The following SPG7 variants were observed in gnomAD, a reference collection of about 807,000 sequenced individuals.
SPG7 encodes mitochondrial inner membrane m-AAA protease component paraplegin.
In SPG7, 103 loss-of-function variants were observed where a neutral mutation model predicts 81.9. That is an observed-to-expected ratio of 1.26 (90% CI 1.07 to 1.48). The LOEUF is 1.48. Ranked by LOEUF, SPG7 falls within the 40% of genes most tolerant of loss-of-function variation. The pLI is 0.00. For missense variants in SPG7, 1,241 were observed against 1,087.3 expected (o/e 1.14, Z -1.99); for synonymous variants, 534 against 444.2 (o/e 1.20, Z -2.54).
At chr16:89,545,629 C>T (rs118077954) in intron 10 of SPG7, 13 of 245,932 alleles carry the variant, frequency 5.3e-5, no homozygotes, top group Non-Finnish European at 8.8e-5. Context: ...CACTGTTTCT[C>T]CAGGGGATGG....
intron 15 of SPG7, 74 bp from the exon 16 acceptor site, chr16:89,554,412 C>T (rs781649030): frequency 4.4e-4 from 441 of 1,010,008 alleles, no homozygotes; most frequent in Non-Finnish European, 6.4e-4. Context: ...CCCAGTCTGC[C>T]ATTTCTTTTC....
At position 89,532,545 on chromosome 16, in the gene SPG7, C is replaced by T. The variant is rs771605038; in HGVS notation, c.1233C>T (p.Asp411=). ...APCIVYIDEI[D]AVGKKRSTTM... ...GCATCGTCTACATCGATGAGATCGA[C>T]GCGGTGGGCAAGAAGCGCTCCACCA... Residue 411 remains aspartate (D), a synonymous_variant, in exon 9 of 17, where the codon GAC becomes GAT. Transcript: ENST00000645818. 32 of 1,613,770 alleles carry T rather than the reference C, an allele frequency of 2.0e-5. No homozygotes were observed. The Middle Eastern group carries it at 4.9e-4, about 25-fold the overall frequency.
intron 3 of SPG7, among the ~76,000 whole-genome samples, chr16:89,514,905 C>T (rs1054562710): frequency 2.0e-5 from 3 of 150,162 alleles, no homozygotes; most frequent in Admixed American, 6.6e-5. Flanking sequence ...GCTGAGATTA[C>T]AGGTGTGAAC....
At chr16:89,556,525 A>T (rs2058688715) in intron 16 of SPG7, 1 of 337,738 alleles carries the variant, frequency 3.0e-6, no homozygotes, top group Non-Finnish European at 5.5e-6. Context: ...ACTTCGCCTC[A>T]GATTCCTTCT....
chr16:89,532,503 C>G lies in SPG7; in HGVS notation c.1191C>G (p.Ala397=), dbSNP rs1597635045. The change falls in exon 9 of 17, where the codon GCC becomes GCG. Residue 397 remains alanine (A), a synonymous_variant. Coordinates refer to ENST00000645818, the MANE Select transcript of SPG7 (RefSeq NM_003119.4). Reference sequence around the variant, plus strand: ...GTGTGCGGAGCCTCTTTAAGGAAGCCCGAGCCCGGGCCCCCTGCATCGTCT... The same window carrying G: ...GTGTGCGGAGCCTCTTTAAGGAAGCGCGAGCCCGGGCCCCCTGCATCGTCT... The part of the protein sequence containing the change: ...AARVRSLFKE[A]RARAPCIVYI... The G allele has an allele frequency of 1.2e-6, 2 of 1,613,520 alleles. No homozygotes were observed. The highest frequency in any genetic ancestry group is 1.7e-6 in the Non-Finnish European group (2 of 1,180,038).
chr16:89,542,691 C>T (rs1486816263), intron 9 of SPG7, among the ~76,000 whole-genome samples: 2 of 152,146 alleles, frequency 1.3e-5, no homozygotes, highest in East Asian at 3.9e-4. Context: ...CCTGGAGAAG[C>T]TGGTCAGGCC....
Position 89,530,797 on chromosome 16 carries a change from G to A in SPG7, c.976G>A (p.Asp326Asn). 6.2e-7 allele frequency: 1 copy of A among 1,614,150 alleles called. No homozygotes were observed. The highest frequency in any genetic ancestry group is 2.2e-5 in the East Asian group (1 of 44,884). The change falls in exon 7 of 17, where the codon GAT (aspartate) becomes AAT (asparagine). Residue 326 changes from aspartate to asparagine, a missense_variant. Physicochemically the swap from Asp to Asn is conservative, Grantham distance 23. Transcript: ENST00000645818. ...CAAACTGGAAGTCCGCGAGTTTGTG[G>A]ATTATCTGAAGGTGAAAGCAGCGTG... ...EAKLEVREFV[D>N]YLKSPERFLQ...
intron 3 of SPG7, chr16:89,522,339 A>G (rs548746933): frequency 6.6e-6 from 1 of 152,414 alleles, no homozygotes; most frequent in South Asian, 2.1e-4. Context: ...TGCCCAGGCC[A>G]GGCTTTGATC....
intron 5 of SPG7, chr16:89,528,603 CTTTTTTTTTTT>C (rs199905330): frequency 1.8e-5 from 2 of 113,556 alleles, no homozygotes; most frequent in Non-Finnish European, 3.7e-5. Context: ...CTGGGATTTG[CTTTTTTTTTTT>C]TTTTTTTTTG....
intron 11 of SPG7, chr16:89,547,369 C>A: frequency 5.6e-6 from 1 of 178,602 alleles, no homozygotes; most frequent in South Asian, 1.2e-4. Flanking sequence ...ACTAACTGCC[C>A]TTGGGAGGAG....
chr16:89,529,622 G>T (rs778305130), intron 6 of SPG7, 43 bp downstream of exon 6: 1 of 1,410,652 alleles, frequency 7.1e-7, no homozygotes. Context: ...TTTCTGGTTT[G>T]TGTTTGCTGA....
chr16:89,528,341 A>T (rs934248101), intron 5 of SPG7, among the ~76,000 whole-genome samples: 13 of 151,448 alleles, frequency 8.6e-5, no homozygotes, highest in African/African-American at 2.7e-4. Flanking sequence ...ACAGTGAGCC[A>T]AGATAGCACC....
At chr16:89,529,620 T>G in intron 6 of SPG7, 41 bp downstream of exon 6, 1 of 1,416,342 alleles carries the variant, frequency 7.1e-7, no homozygotes, top group Non-Finnish European at 1.0e-6. Context: ...TCTTTCTGGT[T>G]TGTGTTTGCT....
At chr16:89,549,907 AG>A (rs1052212463) in intron 12 of SPG7, 1 of 177,774 alleles carries the variant, frequency 5.6e-6, no homozygotes, top group African/African-American at 2.4e-5. Flanking sequence ...ACCATGGGGC[AG>A]GAGGAGACAC....
intron 6 of SPG7, 23 bp from the exon 7 acceptor site, chr16:89,530,660 T>A: frequency 6.2e-7 from 1 of 1,614,100 alleles, no homozygotes; most frequent in Non-Finnish European, 8.5e-7. Flanking sequence ...CCCAGCTCCT[T>A]GCACTTTGTT....
chr16:89,516,957 C>T (rs1438675064), intron 3 of SPG7: 3 of 152,158 alleles, frequency 2.0e-5, no homozygotes, highest in Non-Finnish European at 4.4e-5. Flanking sequence ...AAATATATTT[C>T]CTATTTATGC....
chr16:89,515,128 C>T (rs989917615), intron 3 of SPG7, among the ~76,000 whole-genome samples: 3 of 147,068 alleles, frequency 2.0e-5, no homozygotes, highest in African/African-American at 5.0e-5. Flanking sequence ...AGTAGAGACT[C>T]GGTTTCACCG....
chr16:89,534,164 A>G (rs1227154891), intron 9 of SPG7, among the ~76,000 whole-genome samples: 1 of 151,960 alleles, frequency 6.6e-6, no homozygotes, highest in Non-Finnish European at 1.5e-5. Context: ...AACCCTCCCC[A>G]TTCTCCATCC....
Position 89,553,816 on chromosome 16 carries a change from G to T in SPG7, c.1959G>T (p.Lys653Asn), listed in dbSNP as rs775569150. ...VTSGAQDDLR[K>N]VTRIAYSMVK... ...CAGGGGCACAGGACGACCTGAGGAA[G>T]GTCACCCGCATCGCCTACTCCATGG... The change falls in exon 15 of 17, where the codon AAG becomes AAT. Residue 653 changes from lysine (K) to asparagine (N), a missense_variant. Coordinates refer to ENST00000645818, the MANE Select transcript of SPG7 (RefSeq NM_003119.4). 23 of 1,613,422 alleles carry T rather than the reference G, an allele frequency of 1.4e-5. No homozygotes were observed. The highest frequency in any genetic ancestry group is 1.9e-5 in the Non-Finnish European group (23 of 1,180,038).
Sources: gnomAD v4.1 joint callset for allele counts (sites outside exome capture counted in the v4.1 genomes callset) on GRCh38, gnomAD v4.1.1 for gene constraint, MANE v1.5 for transcripts, NCBI Gene and HGNC (gene_info 2026-07-23, HGNC 2026-07-21) for gene names.